PRMT8: variants seen among roughly 807,000 people sequenced by gnomAD.
The protein encoded by PRMT8 is protein arginine methyltransferase 8, also known as protein arginine N-methyltransferase 8.
PRMT8 carries 7 observed loss-of-function variants against 47.1 expected under a neutral mutation model. The observed-to-expected ratio is 0.15, with a 90% CI of 0.08 to 0.28. The LOEUF (loss-of-function observed/expected upper bound fraction) is 0.28. Ranked by LOEUF, PRMT8 falls within the 10% of genes least tolerant of loss-of-function variation. The probability of loss-of-function intolerance (pLI) is 1.00; values close to 1 mark genes in which losing one functional copy is unlikely to be tolerated. For missense variants in PRMT8, 237 were observed against 505.4 expected, an observed-to-expected ratio of 0.47 and a Z score of 5.09; for synonymous variants, 188 against 186.5, an observed-to-expected ratio of 1.01 and a Z score of -0.07.
intron 1 of PRMT8, among the ~76,000 whole-genome samples, chr12:3,398,824 G>T (rs1864289618): frequency 6.6e-6 from 1 of 152,326 alleles, no homozygotes; most frequent in East Asian, 1.9e-4. Context: ...CAGGCAGGGG[G>T]AATGCAAAGG....
In PRMT8 at chr12:3,478,298, AT is replaced by A. The variant is rs1411857712; in HGVS notation, c.49-62307del. 3.2e-3 allele frequency among the ~76,000 whole-genome samples: 470 copies of A among 148,990 alleles called. 3 individuals carry two copies. Among genetic ancestry groups the A allele is most frequent in the Middle Eastern group, 7.0e-3 (2 of 286 alleles). The stretch of plus-strand genomic sequence containing the variant: ...TATCTATCTATCTATCTATCTATCT[AT>A]CTATCTATCTACCTACCTATCTATC... On this transcript the variant is annotated intron_variant, in intron 1 of 9. Coordinates refer to the PRMT8 transcript ENST00000452611.
intron 1 of PRMT8, among the ~76,000 whole-genome samples, chr12:3,452,288 C>T (rs1297403622): frequency 6.6e-6 from 1 of 150,470 alleles, no homozygotes; most frequent in South Asian, 2.1e-4. Context: ...TTTAAGAAAC[C>T]TGCACATGTG....
chr12:3,444,789 G>T (rs1864839361), intron 1 of PRMT8, among the ~76,000 whole-genome samples: 1 of 152,262 alleles, frequency 6.6e-6, no homozygotes, highest in Admixed American at 6.5e-5. Flanking sequence ...AAGAGTGGAA[G>T]GGACGAATAT....
Position 3,540,674 on chromosome 12 carries a change from T to C in PRMT8, c.144T>C (p.His48=), listed in dbSNP as rs1388530928. 7.4e-7 allele frequency: 1 copy of C among 1,347,934 alleles called. No individual in the cohort carries two copies. Among genetic ancestry groups the C allele is most frequent in the South Asian group, 1.1e-5 (1 of 87,720 alleles). The allele number at this position is 1,347,934 out of a possible 1,614,324, so 83.5% of individuals were successfully genotyped here. Reference sequence around the variant, plus strand: ...CTAAGCCCGTGCAATGCGTCCATCATGTGTCCACTCAACCCAGCTGCCCAG... The same window carrying C: ...CTAAGCCCGTGCAATGCGTCCATCACGTGTCCACTCAACCCAGCTGCCCAG... The part of the protein sequence containing the change: ...VPAKPVQCVH[H]VSTQPSCPGR... The change falls in exon 2 of 10, where the codon CAT becomes CAC. Residue 48 remains histidine (H), a synonymous_variant. Coordinates refer to ENST00000382622, the MANE Select transcript of PRMT8 (RefSeq NM_019854.5).
chr12:3,448,904 T>C (rs918733229), intron 1 of PRMT8, among the ~76,000 whole-genome samples: 1 of 151,984 alleles, frequency 6.6e-6, no homozygotes, highest in Non-Finnish European at 1.5e-5. Context: ...TGCACCCCCA[T>C]AGGCCCCAGT....
Position 3,436,449 on chromosome 12 carries a change from C to T in PRMT8, c.48+55007C>T, listed in dbSNP as rs142789779. Among the ~76,000 whole-genome samples the T allele has an allele frequency of 9.1e-4, 138 of 152,164 alleles. 2 individuals carry two copies. In the East Asian group the frequency reaches 0.022, roughly 24 times the overall value. On this transcript the variant is annotated intron_variant, in intron 1 of 9. Coordinates refer to the PRMT8 transcript ENST00000452611. The surrounding 1 kb of genome is among the most constrained non-coding windows in gnomAD (Gnocchi z 4.2). Reference sequence around the variant, plus strand: ...ACTGTGATAAAATTCTGGTTTTATCCCTCAGAACCCAGGTAGCTGCTTTCT... The same window carrying T: ...ACTGTGATAAAATTCTGGTTTTATCTCTCAGAACCCAGGTAGCTGCTTTCT...
In PRMT8 at chr12:3,540,613, G is replaced by GGCCCCCCCCGCCC; in HGVS notation, c.83_84insGCCCCCCCCGCCC (p.Ser28ArgfsTer18). 8.8e-7 allele frequency: 1 copy of GGCCCCCCCCGCCC among 1,130,522 alleles called. No individual in the cohort carries two copies. Among genetic ancestry groups the GGCCCCCCCCGCCC allele is most frequent in the Non-Finnish European group, 1.3e-6 (1 of 752,492 alleles). The allele number at this position is 1,130,522 out of a possible 1,614,324, so 70.0% of individuals were successfully genotyped here. A position where few individuals can be genotyped will look rare whatever the true frequency, so the allele number is the denominator to read the frequency against. On this transcript the variant is annotated frameshift_variant, in exon 2 of 10. Transcript: ENST00000382622. LOFTEE classifies it high-confidence loss of function. ...CCCTTCTCTTCCCCTCAGGTGAACA[G>GGCCCCCCCCGCCC]CCCCCCCTCCCAGCCCCCCCAGCCC...
intron 4 of PRMT8, among the ~76,000 whole-genome samples, chr12:3,563,935 A>C (rs10848882): frequency 0.28 from 41,818 of 151,546 alleles, 6,056 homozygotes; most frequent in East Asian, 0.46. Context: ...AATGCCCCCC[A>C]CCTTTTTTCC....
At chr12:3,418,795 G>A (rs1003930645) in intron 1 of PRMT8, among the ~76,000 whole-genome samples, 1 of 152,112 alleles carries the variant, frequency 6.6e-6, no homozygotes, top group Admixed American at 6.5e-5. Flanking sequence ...TCTGGAGGAA[G>A]GGTGGGTGGG....
intron 2 of PRMT8, among the ~76,000 whole-genome samples, chr12:3,543,239 C>T (rs767459325): frequency 3.3e-5 from 5 of 152,182 alleles, no homozygotes; most frequent in Non-Finnish European, 5.9e-5. Context: ...GGTAACCTTC[C>T]TTCCCCCCGA....
At chr12:3,522,790 CAAAAAACAAACAAACAAA>C (rs1332510271) in intron 1 of PRMT8, among the ~76,000 whole-genome samples, 1 of 147,354 alleles carries the variant, frequency 6.8e-6, no homozygotes, top group African/African-American at 2.5e-5. Flanking sequence ...AACAAACAAA[CAAAAAACAAACAAACAAA>C]AAAAAACAGA....
chr12:3,519,527 G>A (rs1865848890), intron 1 of PRMT8, among the ~76,000 whole-genome samples: 2 of 152,230 alleles, frequency 1.3e-5, no homozygotes, highest in Admixed American at 1.3e-4. Context: ...CAGGCTGTTT[G>A]AGGAACAGTG....
chr12:3,475,425 A>G (rs985635802), intron 1 of PRMT8, among the ~76,000 whole-genome samples: 1 of 152,192 alleles, frequency 6.6e-6, no homozygotes, highest in Admixed American at 6.5e-5. Flanking sequence ...TTTTTAAATC[A>G]GTTTTCAGGC....
upstream of PRMT8, among the ~76,000 whole-genome samples, chr12:3,486,420 T>C (rs1396590468): frequency 6.6e-6 from 1 of 152,222 alleles, no homozygotes; most frequent in African/African-American, 2.4e-5. Context: ...AGTGCAGAGA[T>C]AAGTCTCTTC....
At chr12:3,438,269 G>A (rs1158023826) in intron 1 of PRMT8, among the ~76,000 whole-genome samples, 3 of 152,202 alleles carry the variant, frequency 2.0e-5, no homozygotes, top group Non-Finnish European at 2.9e-5. Context: ...ACCGTCTCCC[G>A]TTTAGTCATT....
rs1423013687 is a variant in PRMT8, at chr12:3,436,473, C to T, written c.48+55031C>T. ...CCCTCAGAACCCAGGTAGCTGCTTT[C>T]TTTCTTTCTTTTTTCTTTTTTTTTA... On this transcript the variant is annotated intron_variant, in intron 1 of 9. Coordinates refer to the PRMT8 transcript ENST00000452611. The surrounding 1 kb of genome is among the most constrained non-coding windows in gnomAD (Gnocchi z 4.2). Among the ~76,000 whole-genome samples, 1 of 151,950 alleles carries T rather than the reference C, an allele frequency of 6.6e-6. No individual in the cohort carries two copies. Among genetic ancestry groups the T allele is most frequent in the Non-Finnish European group, 1.5e-5 (1 of 68,000 alleles).
chr12:3,505,660 C>T (rs1288182224), intron 1 of PRMT8, among the ~76,000 whole-genome samples: 1 of 152,236 alleles, frequency 6.6e-6, no homozygotes, highest in Non-Finnish European at 1.5e-5. Context: ...TGCAGAGTTT[C>T]ATTATCCTGA....
intron 1 of PRMT8, among the ~76,000 whole-genome samples, chr12:3,464,773 C>T (rs370035869): frequency 3.9e-5 from 6 of 152,134 alleles, no homozygotes; most frequent in Non-Finnish European, 7.3e-5. Flanking sequence ...CCAATCAGAA[C>T]TAAGCAAGTT....
chr12:3,398,233 C>T (rs1186548045), intron 1 of PRMT8, among the ~76,000 whole-genome samples: 3 of 152,036 alleles, frequency 2.0e-5, no homozygotes, highest in Admixed American at 2.0e-4. Context: ...GCTCCTCCCT[C>T]GAAATTTGGA....
Sources: allele counts gnomAD v4.1 joint callset (sites outside exome capture counted in the v4.1 genomes callset), GRCh38; gene constraint gnomAD v4.1.1; non-coding constraint Gnocchi (gnomAD v3.1); transcripts MANE v1.5; gene names NCBI Gene and HGNC (gene_info 2026-07-23, HGNC 2026-07-21).